SLC14A1: variants seen among roughly 807,000 people sequenced by gnomAD.
SLC14A1 encodes solute carrier family 14 member 1 (Kidd blood group), also known as urea transporter 1.
SLC14A1 carries 36 observed loss-of-function variants against 39.6 expected under a neutral mutation model. The ratio of observed to expected loss-of-function variants is 0.91; its 90% CI spans 0.70 to 1.20. SLC14A1 has a LOEUF of 1.20. Ranked by LOEUF, SLC14A1 falls within the 50% of genes most tolerant of loss-of-function variation. The pLI, the probability that SLC14A1 is intolerant of heterozygous loss-of-function variation, is 0.00. For missense variants in SLC14A1, 469 were observed against 478.7 expected, an observed-to-expected ratio of 0.98 and a Z score of 0.19; for synonymous variants, 164 against 173.6, an observed-to-expected ratio of 0.94 and a Z score of 0.43.
At chr18:45,739,690 G>C (rs765588905) in intron 8 of SLC14A1, 28 bp downstream of exon 8, 1 of 1,613,792 alleles carries the variant, frequency 6.2e-7, no homozygotes, top group Non-Finnish European at 8.5e-7. Context: ...CTGGGGGAGG[G>C]CTGCTCATGA....
In SLC14A1 at chr18:45,730,384, G is replaced by T; in HGVS notation, c.64G>T (p.Val22Phe). 6.2e-7 allele frequency: 1 copy of T among 1,614,182 alleles called. No individual in the cohort carries two copies. The highest frequency in any genetic ancestry group is 8.5e-7 in the Non-Finnish European group (1 of 1,180,018). The change falls in exon 3 of 10, where the codon GTT becomes TTT. Residue 22 changes from valine (V) to phenylalanine (F), a missense_variant. By Grantham distance (50) the Val-to-Phe change is conservative. Coordinates refer to ENST00000321925, the MANE Select transcript of SLC14A1 (RefSeq NM_015865.7). ...SPTMVRGENQ[V>F]SPCQGRRCFP... The stretch of plus-strand genomic sequence containing the variant: ...CACTATGGTTAGGGGTGAAAACCAG[G>T]TTTCGCCATGTCAAGGGAGAAGGTG...
intron 8 of SLC14A1, among the ~76,000 whole-genome samples, chr18:45,746,741 C>G (rs777086051): frequency 2.6e-5 from 4 of 152,176 alleles, no homozygotes; most frequent in Non-Finnish European, 5.9e-5. Context: ...GTAGCTCAGT[C>G]CCATGGTGAA....
intron 4 of SLC14A1, chr18:45,731,597 T>C: frequency 3.0e-6 from 1 of 331,966 alleles, no homozygotes; most frequent in Non-Finnish European, 5.9e-6. Flanking sequence ...TATATCTTGT[T>C]GCTATGATGA....
chr18:45,724,503 A>C (rs1347170404), intron 1 of SLC14A1, among the ~76,000 whole-genome samples: 1 of 152,244 alleles, frequency 6.6e-6, no homozygotes, highest in Non-Finnish European at 1.5e-5. Flanking sequence ...TTCTGAAGCA[A>C]GGTGCATGCA....
Position 45,751,362 on chromosome 18 carries a change from C to CAAAAACAAAACAAAAAAAAACA in SLC14A1, c.*1421_*1422insCAAAAAAAAACAAAAAACAAAA. Reference sequence around the variant, plus strand: ...TCTCTCAAAAAAAAAAAAAAACAAACAAAAACAAAAACAAAACAAAACAAA... The same window carrying CAAAAACAAAACAAAAAAAAACA: ...TCTCTCAAAAAAAAAAAAAAACAAACAAAAACAAAACAAAAAAAAACAAAAAACAAAAACAAAACAAAACAAA... On this transcript the variant is annotated 3_prime_UTR_variant, in exon 10 of 10. Coordinates refer to ENST00000321925, the MANE Select transcript of SLC14A1 (RefSeq NM_015865.7). 1.3e-6 allele frequency: 1 copy of CAAAAACAAAACAAAAAAAAACA among 776,456 alleles called. No homozygotes were observed. The highest frequency in any genetic ancestry group is 1.5e-6 in the Non-Finnish European group (1 of 656,680). 48.1% of individuals were successfully genotyped at this position (776,456 alleles called of 1,614,324 possible).
rs187688585 is a variant in SLC14A1, at chr18:45,742,965, C to G, written c.946+3303C>G. ...CCTCCCAAAGTGCTGGGATTACAGG[C>G]GTGAGCCACAGTGCCCAGCTAGTGA... is the stretch of plus-strand genomic sequence containing the variant. On this transcript the variant is annotated intron_variant, in intron 8 of 9. Transcript: ENST00000321925. Among the ~76,000 whole-genome samples, 319 of 152,334 alleles carry G rather than the reference C, an allele frequency of 2.1e-3. 2 individuals carry two copies. Among genetic ancestry groups the G allele is most frequent in the African/African-American group, 6.0e-3 (251 of 41,570 alleles).
chr18:45,752,102 C>T lies in SLC14A1; in HGVS notation c.*2151C>T, dbSNP rs1194657740. 2.0e-6 allele frequency: 2 copies of T among 985,360 alleles called. No homozygotes were observed. Among genetic ancestry groups the T allele is most frequent in the Non-Finnish European group, 2.4e-6 (2 of 829,934 alleles). 61.0% of individuals were successfully genotyped at this position (985,360 alleles called of 1,614,324 possible). On this transcript the variant is annotated 3_prime_UTR_variant, in exon 10 of 10. Coordinates refer to ENST00000321925, the MANE Select transcript of SLC14A1 (RefSeq NM_015865.7). ...CAAAGCCTTTGGAACTATGAATTTGCAACTGTCATAGGTTTATGGATATTG... is the reference window on the plus strand; with the variant it reads ...CAAAGCCTTTGGAACTATGAATTTGTAACTGTCATAGGTTTATGGATATTG...
chr18:45,743,998 G>T (rs1421376250), intron 8 of SLC14A1, among the ~76,000 whole-genome samples: 1 of 142,748 alleles, frequency 7.0e-6, no homozygotes, highest in African/African-American at 2.6e-5. Flanking sequence ...CTCTGACTTA[G>T]TTCATATTAA....
In SLC14A1 at chr18:45,750,338, C is replaced by T. The variant is rs563703000; in HGVS notation, c.*387C>T. On this transcript the variant is annotated 3_prime_UTR_variant, in exon 10 of 10. Transcript: ENST00000321925. ...TTAAAAATTAAACCCCATAAACCAA[C>T]TAAGCCTTATGGAATTCACAGTCAC... The T allele has an allele frequency of 2.7e-6, 3 of 1,107,086 alleles. No homozygotes were observed. In the African/African-American group the frequency reaches 4.9e-5, roughly 18 times the overall value. The allele number at this position is 1,107,086 out of a possible 1,614,324, so 68.6% of individuals were successfully genotyped here.
chr18:45,742,353 G>GTT (rs34628652), intron 8 of SLC14A1, among the ~76,000 whole-genome samples: 49,128 of 117,546 alleles, frequency 0.42, 10,894 homozygotes, highest in South Asian at 0.46. Flanking sequence ...TTGTTTTTTG[G>GTT]TTTTTTTTTT....
intron 8 of SLC14A1, among the ~76,000 whole-genome samples, chr18:45,746,892 T>C (rs1425731935): frequency 1.3e-5 from 2 of 152,178 alleles, no homozygotes; most frequent in African/African-American, 4.8e-5. Flanking sequence ...ATACAACAAA[T>C]AAAATGGCAG....
At position 45,751,278 on chromosome 18, in the gene SLC14A1, T is replaced by A. The variant is rs1286880819; in HGVS notation, c.*1327T>A. The A allele has an allele frequency of 1.6e-6, 1 of 615,252 alleles. No homozygotes were observed. Among genetic ancestry groups the A allele is most frequent in the Non-Finnish European group, 2.0e-6 (1 of 496,498 alleles). The allele number at this position is 615,252 out of a possible 1,614,324, so 38.1% of individuals were successfully genotyped here. A position where few individuals can be genotyped will look rare whatever the true frequency, so the allele number is the denominator to read the frequency against. ...TGACTTGAGCCCAGGAGGAGGAGGC[T>A]GCAGTGAGCTAAGATTGCACCACTG... On this transcript the variant is annotated 3_prime_UTR_variant, in exon 10 of 10. Transcript: ENST00000321925.
chr18:45,735,088 G>A (rs895090161), intron 5 of SLC14A1, among the ~76,000 whole-genome samples: 4 of 152,122 alleles, frequency 2.6e-5, no homozygotes, highest in African/African-American at 7.2e-5. Flanking sequence ...ACTGATGCAC[G>A]TGGCCCCCAC....
intron 2 of SLC14A1, among the ~76,000 whole-genome samples, chr18:45,726,573 T>C (rs1002457552): frequency 6.6e-6 from 1 of 152,010 alleles, no homozygotes; most frequent in Non-Finnish European, 1.5e-5. Context: ...GGTGGGAGGA[T>C]CACTTGAGGC....
intron 4 of SLC14A1, among the ~76,000 whole-genome samples, chr18:45,733,340 T>C (rs1393833454): frequency 6.6e-6 from 1 of 152,154 alleles, no homozygotes; most frequent in African/African-American, 2.4e-5. Context: ...CATAATTAAA[T>C]GGGATACTTC....
At chr18:45,732,370 T>G (rs1388516135) in intron 4 of SLC14A1, among the ~76,000 whole-genome samples, 1 of 152,234 alleles carries the variant, frequency 6.6e-6, no homozygotes, top group African/African-American at 2.4e-5. Context: ...CATTAACATC[T>G]CCAAGTCAGT....
At chr18:45,740,309 G>A (rs1255230016) in intron 8 of SLC14A1, among the ~76,000 whole-genome samples, 1 of 152,194 alleles carries the variant, frequency 6.6e-6, no homozygotes, top group Non-Finnish European at 1.5e-5. Context: ...GAGCATCACA[G>A]TAACCCAGCC....
At chr18:45,729,610 T>G (rs762961918) in intron 2 of SLC14A1, 16 of 152,220 alleles carry the variant, frequency 1.1e-4, no homozygotes, top group African/African-American at 3.9e-4. Context: ...TCTACCTTGA[T>G]GAAATATCCT....
At chr18:45,748,302 T>C (rs1011242124) in intron 8 of SLC14A1, 74 bp from the exon 9 acceptor site, 17 of 1,488,726 alleles carry the variant, frequency 1.1e-5, no homozygotes, top group East Asian at 6.8e-5. Flanking sequence ...TGATTTATAT[T>C]GGAAGGCAGC....
Sources: gnomAD v4.1 joint callset for allele counts (sites outside exome capture counted in the v4.1 genomes callset) on GRCh38, gnomAD v4.1.1 for gene constraint, MANE v1.5 for transcripts, NCBI Gene and HGNC (gene_info 2026-07-23, HGNC 2026-07-21) for gene names.